Variants in TUSC3 observed in about 807,000 individuals in gnomAD.
TUSC3 encodes tumor suppressor candidate 3.
A neutral mutation model predicts 44.8 loss-of-function variants in TUSC3; 45 were observed. That is an observed-to-expected ratio of 1.00 (90% CI 0.79 to 1.29). TUSC3 has a LOEUF of 1.29. TUSC3 is among the 50% of genes most tolerant of loss of function. TUSC3 has a pLI of 0.00. For synonymous variants in TUSC3, 212 were observed against 152.9 expected (o/e 1.39, Z -2.85); for missense variants, 519 against 437.9 (o/e 1.19, Z -1.65).
chr8:15,488,689 A>G (rs1349911380), intron 2 of TUSC3, among the ~76,000 whole-genome samples: 3 of 152,150 alleles, frequency 2.0e-5, no homozygotes, highest in Non-Finnish European at 2.9e-5. Flanking sequence ...TAAGGAAAGA[A>G]AGATGTCATA....
rs552238390 is a variant in TUSC3, at chr8:15,464,936, T to G, written n.92-18450T>G. Among the ~76,000 whole-genome samples, 22 of 152,142 alleles carry G rather than the reference T, an allele frequency of 1.4e-4. 1 individual carries two copies. The highest frequency in any genetic ancestry group is 5.1e-4 in the African/African-American group (21 of 41,516). ...GTGATCTTGGCTCACTGCAACCTCT[T>G]CCTCCCAGGTTCAAGCGATTCTCTT... On this transcript the variant is annotated intron_variant and non_coding_transcript_variant, in intron 1 of 5. Coordinates refer to the TUSC3 transcript ENST00000503191.
chr8:15,630,162 G>A (rs915837086), intron 2 of TUSC3, among the ~76,000 whole-genome samples: 1 of 152,020 alleles, frequency 6.6e-6, no homozygotes, highest in Non-Finnish European at 1.5e-5. Context: ...ATGTTACTAT[G>A]GATCAGTAGA....
At chr8:15,817,206 T>C in the TUSC3 span, among the ~76,000 whole-genome samples, 1 of 152,116 alleles carries the variant, frequency 6.6e-6, no homozygotes. Context: ...AAGCACAACG[T>C]AGTGAAATAA....
chr8:15,842,851 C>T, the TUSC3 span, among the ~76,000 whole-genome samples: 10 of 152,182 alleles, frequency 6.6e-5, no homozygotes, highest in Non-Finnish European at 8.8e-5. Flanking sequence ...TTAGCTTTCA[C>T]GGTTTTTACC....
intron 7 of TUSC3, among the ~76,000 whole-genome samples, chr8:15,736,267 A>AATT (rs1427306615): frequency 6.6e-6 from 1 of 152,176 alleles, no homozygotes; most frequent in Non-Finnish European, 1.5e-5. Flanking sequence ...CTTCATTTAC[A>AATT]ATTATGTTCT....
chr8:15,466,122 A>G (rs1394721928), intron 1 of TUSC3, among the ~76,000 whole-genome samples: 3 of 152,254 alleles, frequency 2.0e-5, no homozygotes, highest in African/African-American at 2.4e-5. Flanking sequence ...ATTTTTACTG[A>G]AACAAACTGT....
At chr8:15,631,718 G>T (rs1805774034) in intron 2 of TUSC3, among the ~76,000 whole-genome samples, 2 of 147,972 alleles carry the variant, frequency 1.4e-5, no homozygotes, top group African/African-American at 2.5e-5. Flanking sequence ...GTTTTGTTTT[G>T]TTTTTAAGAC....
At chr8:15,700,869 C>CTTTTTTTTTTTTTTTTTTTTTTTT (rs1332141201) in intron 6 of TUSC3, among the ~76,000 whole-genome samples, 10 of 60,292 alleles carry the variant, frequency 1.7e-4, no homozygotes, top group Middle Eastern at 9.3e-3. Flanking sequence ...TTTTTTTTTG[C>CTTTTTTTTTTTTTTTTTTTTTTTT]TTTGCCTGTT....
chr8:15,758,946 G>A (rs548064260), intron 10 of TUSC3, among the ~76,000 whole-genome samples: 5 of 152,032 alleles, frequency 3.3e-5, no homozygotes, highest in African/African-American at 4.8e-5. Context: ...AAGACCACTT[G>A]TTTTAGACTC....
intron 1 of TUSC3, among the ~76,000 whole-genome samples, chr8:15,583,912 A>G (rs752125811): frequency 2.2e-4 from 33 of 152,344 alleles, no homozygotes; most frequent in Non-Finnish European, 4.0e-4. Flanking sequence ...AAATCAGGAA[A>G]GGAAATAAGA....
intron 2 of TUSC3, among the ~76,000 whole-genome samples, chr8:15,514,043 C>G (rs1801178054): frequency 6.6e-6 from 1 of 152,116 alleles, no homozygotes; most frequent in Non-Finnish European, 1.5e-5. Flanking sequence ...ACTTTTCATC[C>G]TAGGAACGTC....
chr8:15,621,253 T>A (rs1433734905), intron 1 of TUSC3, among the ~76,000 whole-genome samples: 1 of 151,716 alleles, frequency 6.6e-6, no homozygotes, highest in Admixed American at 6.6e-5. Flanking sequence ...TTGTGTGTAT[T>A]GGTAAATACT....
intron 2 of TUSC3, among the ~76,000 whole-genome samples, chr8:15,511,953 A>G (rs546265239): frequency 1.8e-4 from 27 of 152,302 alleles, no homozygotes; most frequent in Admixed American, 1.8e-3. Context: ...AAATTTATCT[A>G]TAGATTCAAT....
At chr8:15,595,203 T>C (rs1335415748) in intron 1 of TUSC3, among the ~76,000 whole-genome samples, 1 of 152,196 alleles carries the variant, frequency 6.6e-6, no homozygotes, top group African/African-American at 2.4e-5. Context: ...TCATTATACT[T>C]TCAGATAGAT....
intron 1 of TUSC3, among the ~76,000 whole-genome samples, chr8:15,418,967 T>A (rs1585779839): frequency 6.6e-6 from 1 of 152,074 alleles, no homozygotes; most frequent in Admixed American, 6.5e-5. Context: ...GATCAAACAC[T>A]GCACTCCAGC....
At chr8:15,785,337 A>G in the TUSC3 span, among the ~76,000 whole-genome samples, 4 of 152,188 alleles carry the variant, frequency 2.6e-5, no homozygotes, top group African/African-American at 9.6e-5. Flanking sequence ...ATACATTGCT[A>G]AGTCAAGATA....
intron 7 of TUSC3, among the ~76,000 whole-genome samples, chr8:15,741,566 T>C (rs181293676): frequency 7.9e-5 from 12 of 152,200 alleles, no homozygotes; most frequent in Admixed American, 4.6e-4. Flanking sequence ...ACTCCTGTGA[T>C]CTTCCAGCCA....
chr8:15,515,924 C>G (rs1056636132), intron 2 of TUSC3, among the ~76,000 whole-genome samples: 1 of 152,058 alleles, frequency 6.6e-6, no homozygotes, highest in Non-Finnish European at 1.5e-5. Flanking sequence ...CTTCCTTGGC[C>G]TCCTAAAGTG....
At chr8:15,664,578 C>T (rs1442738891) in intron 5 of TUSC3, among the ~76,000 whole-genome samples, 1 of 149,482 alleles carries the variant, frequency 6.7e-6, no homozygotes, top group Non-Finnish European at 1.5e-5. Flanking sequence ...TCCCCAATCA[C>T]AGCCTTTTAG....
Sources: gnomAD v4.1 joint callset for allele counts (sites outside exome capture counted in the v4.1 genomes callset) on GRCh38, gnomAD v4.1.1 for gene constraint, MANE v1.5 for transcripts, NCBI Gene and HGNC (gene_info 2026-07-23, HGNC 2026-07-21) for gene names.